CBX5: variants seen among roughly 807,000 people sequenced by gnomAD.
CBX5 encodes the protein chromobox protein homolog 5.
Under a neutral mutation model 20.7 loss-of-function variants are expected in CBX5, and 7 were observed. That is an observed-to-expected ratio of 0.34 (90% confidence interval 0.19 to 0.63). The LOEUF is 0.63. Ranked by LOEUF, CBX5 falls within the 30% of genes least tolerant of loss-of-function variation. The pLI is 0.75. For missense variants in CBX5, 110 were observed against 224.1 expected (o/e 0.49, Z 3.25); for synonymous variants, 78 against 77.0 (o/e 1.01, Z -0.07).
chr12:54,257,009 A>G (rs532221905), intron 2 of CBX5, among the ~76,000 whole-genome samples: 1 of 152,226 alleles, frequency 6.6e-6, no homozygotes, highest in South Asian at 2.1e-4. Flanking sequence ...GATTACAGGG[A>G]CCTGCCACCA....
chr12:54,271,851 A>C (rs1026166262), intron 1 of CBX5: 3 of 152,252 alleles, frequency 2.0e-5, no homozygotes, highest in Non-Finnish European at 4.4e-5. Flanking sequence ...GAAGTTAAAA[A>C]AATTTTAATG....
chr12:54,262,952 A>C (rs1438020705), intron 1 of CBX5: 3 of 152,244 alleles, frequency 2.0e-5, no homozygotes, highest in Admixed American at 2.0e-4. Context: ...GTAGCTTCTC[A>C]AATTTCTGGA....
At chr12:54,255,050 G>C (rs559570406) in intron 2 of CBX5, among the ~76,000 whole-genome samples, 3 of 152,254 alleles carry the variant, frequency 2.0e-5, no homozygotes, top group African/African-American at 7.2e-5. Context: ...GTCCTATAAT[G>C]CGATTATCCC....
At chr12:54,277,774 A>G (rs1944084979) in intron 1 of CBX5, among the ~76,000 whole-genome samples, 1 of 152,222 alleles carries the variant, frequency 6.6e-6, no homozygotes, top group Non-Finnish European at 1.5e-5. Flanking sequence ...CCATCTTCTC[A>G]CCTTTACCTA....
At chr12:54,269,048 G>A (rs1215193317) in intron 1 of CBX5, among the ~76,000 whole-genome samples, 3 of 152,174 alleles carry the variant, frequency 2.0e-5, no homozygotes, top group Non-Finnish European at 4.4e-5. Flanking sequence ...GCATCACGAG[G>A]TCAGGAGAGA....
At chr12:54,276,047 TG>T (rs1944063073) in intron 1 of CBX5, among the ~76,000 whole-genome samples, 1 of 151,860 alleles carries the variant, frequency 6.6e-6, no homozygotes, top group Non-Finnish European at 1.5e-5. Flanking sequence ...ATATTTTTAT[TG>T]TTTTCCCTCT....
chr12:54,267,829 T>C (rs1312746462), intron 1 of CBX5, among the ~76,000 whole-genome samples: 2 of 152,200 alleles, frequency 1.3e-5, no homozygotes, highest in Admixed American at 6.5e-5. Context: ...TGACAATTTA[T>C]GTTTTCTTAG....
At chr12:54,260,174 A>C (rs1269103769) in intron 1 of CBX5, among the ~76,000 whole-genome samples, 16 of 151,848 alleles carry the variant, frequency 1.1e-4, no homozygotes, top group Admixed American at 5.3e-4. Context: ...AAAAAAAAAA[A>C]AAAAAACCCC....
At chr12:54,248,358 C>A (rs758232317) in intron 3 of CBX5, among the ~76,000 whole-genome samples, 19 of 151,912 alleles carry the variant, frequency 1.3e-4, no homozygotes, top group Non-Finnish European at 2.1e-4. Flanking sequence ...AACACACACA[C>A]AAAAAAAAGA....
intron 3 of CBX5, among the ~76,000 whole-genome samples, chr12:54,250,095 G>A (rs1943778505): frequency 6.6e-6 from 1 of 152,042 alleles, no homozygotes; most frequent in South Asian, 2.1e-4. Context: ...GGTGGTGCAT[G>A]TCTGTAATCC....
chr12:54,263,519 G>C (rs1276988245), intron 1 of CBX5, among the ~76,000 whole-genome samples: 1 of 151,940 alleles, frequency 6.6e-6, no homozygotes, highest in Non-Finnish European at 1.5e-5. Context: ...TGGATCATGA[G>C]GTCAGGAGTT....
intron 1 of CBX5, among the ~76,000 whole-genome samples, chr12:54,264,743 T>C (rs2137026789): frequency 6.6e-6 from 1 of 152,008 alleles, no homozygotes; most frequent in Admixed American, 6.6e-5. Context: ...CTGGGGAGGC[T>C]GAGGTAGGAG....
At chr12:54,257,828 G>A (rs1236099464) in intron 1 of CBX5, 136 bp from the exon 2 acceptor site, 6 of 591,146 alleles carry the variant, frequency 1.0e-5, no homozygotes, top group African/African-American at 7.5e-5. Context: ...TTCTACAGAT[G>A]AGTCCTAAGA....
rs1040859483 is a variant in CBX5, at chr12:54,250,774, C to T, written c.324+1267G>A. ...GAGCCGAGATTGCGCCACTGCAGTC[C>T]GCAGTCCGGCCTGTGCGACAGAGCG... On this transcript the variant is annotated intron_variant, in intron 3 of 4. Coordinates refer to ENST00000209875, the MANE Select transcript of CBX5 (RefSeq NM_012117.3). Among the ~76,000 whole-genome samples, 70 of 118,498 alleles carry T rather than the reference C, an allele frequency of 5.9e-4. 1 individual carries two copies. The highest frequency in any genetic ancestry group is 2.2e-3 in the African/African-American group (67 of 29,944). The allele number at this position is 118,498 out of a possible 152,430, so 77.7% of individuals were successfully genotyped here. A position where few individuals can be genotyped will look rare whatever the true frequency, so the allele number is the denominator to read the frequency against.
intron 1 of CBX5, among the ~76,000 whole-genome samples, chr12:54,260,160 C>CAA (rs368171294): frequency 0.021 from 1,558 of 74,924 alleles, 12 homozygotes; most frequent in Middle Eastern, 0.07. Context: ...AAACAACAAC[C>CAA]AAAAAAAAAA....
At chr12:54,250,531 C>T (rs535233443) in intron 3 of CBX5, among the ~76,000 whole-genome samples, 2 of 151,944 alleles carry the variant, frequency 1.3e-5, no homozygotes. Flanking sequence ...CGGGGCCGGG[C>T]GCGGTGGCTC....
intron 1 of CBX5, among the ~76,000 whole-genome samples, chr12:54,268,016 C>T (rs1476859105): frequency 1.3e-5 from 2 of 152,002 alleles, no homozygotes; most frequent in African/African-American, 2.4e-5. Context: ...TGGTGGTGGG[C>T]GCCTGTAATC....
At chr12:54,278,350 C>A (rs1240752770) in intron 1 of CBX5, among the ~76,000 whole-genome samples, 1 of 152,216 alleles carries the variant, frequency 6.6e-6, no homozygotes, top group Non-Finnish European at 1.5e-5. Context: ...CTTTAGTTCT[C>A]AGAAGCTCAG....
intron 4 of CBX5, among the ~76,000 whole-genome samples, chr12:54,243,806 T>C (rs1263528724): frequency 2.8e-5 from 4 of 141,668 alleles, no homozygotes; most frequent in Non-Finnish European, 6.2e-5. Context: ...GAGGCGAAGG[T>C]TGCAGTGAGC....
Sources: gnomAD v4.1 joint callset for allele counts (sites outside exome capture counted in the v4.1 genomes callset) on GRCh38, gnomAD v4.1.1 for gene constraint, MANE v1.5 for transcripts, NCBI Gene and HGNC (gene_info 2026-07-23, HGNC 2026-07-21) for gene names.